Variants in PPARD observed in about 807,000 individuals in gnomAD.
PPARD encodes peroxisome proliferator-activated receptor delta.
PPARD carries 6 observed loss-of-function variants against 39.5 expected under a neutral mutation model. That is an observed-to-expected ratio of 0.15 (90% CI 0.08 to 0.30). The LOEUF (loss-of-function observed/expected upper bound fraction) is 0.30, where lower values mean the gene tolerates loss of function less well. Ranked by LOEUF, PPARD falls within the 10% of genes least tolerant of loss-of-function variation. The probability of loss-of-function intolerance (pLI) is 1.00; values close to 1 mark genes in which losing one functional copy is unlikely to be tolerated. For synonymous variants in PPARD, 210 were observed against 231.3 expected, an observed-to-expected ratio of 0.91 and a Z score of 0.83; for missense variants, 397 against 596.8, an observed-to-expected ratio of 0.67 and a Z score of 3.49.
chr6:35,383,999 G>A (rs1205581868), intron 2 of PPARD, among the ~76,000 whole-genome samples: 2 of 142,494 alleles, frequency 1.4e-5, no homozygotes, highest in African/African-American at 5.8e-5. Flanking sequence ...GGGGGGGTCA[G>A]CCCCACGCCC....
intron 2 of PPARD, chr6:35,397,496 A>G: frequency 2.0e-6 from 2 of 980,880 alleles, no homozygotes; most frequent in Non-Finnish European, 2.4e-6. Flanking sequence ...CCTCCTTTGA[A>G]GGGTCTGGAA....
intron 2 of PPARD, among the ~76,000 whole-genome samples, chr6:35,350,067 CTA>C (rs1761144192): frequency 6.6e-6 from 1 of 152,170 alleles, no homozygotes; most frequent in Non-Finnish European, 1.5e-5. Flanking sequence ...TGAGAAATGT[CTA>C]TTAAAATCTT....
chr6:35,387,568 C>T (rs12174590), intron 2 of PPARD, among the ~76,000 whole-genome samples: 3 of 151,706 alleles, frequency 2.0e-5, no homozygotes, highest in African/African-American at 7.2e-5. Flanking sequence ...CATGCACGCT[C>T]TCATGTGCGT....
intron 2 of PPARD, among the ~76,000 whole-genome samples, chr6:35,364,258 T>C (rs1219907819): frequency 6.6e-6 from 1 of 152,170 alleles, no homozygotes; most frequent in Non-Finnish European, 1.5e-5. Context: ...GAGTATTCCA[T>C]TGTGTGTATA....
intron 2 of PPARD, among the ~76,000 whole-genome samples, chr6:35,383,645 C>G (rs1215899271): frequency 4.6e-4 from 62 of 136,198 alleles, no homozygotes; most frequent in Admixed American, 7.5e-4. Context: ...CCCGGCCGCC[C>G]ATCGTCTGAG....
intron 2 of PPARD, among the ~76,000 whole-genome samples, chr6:35,351,314 T>G (rs939833006): frequency 6.6e-6 from 1 of 152,162 alleles, no homozygotes; most frequent in African/African-American, 2.4e-5. Flanking sequence ...TGTGAGCCAC[T>G]GCGCCAGTCC....
intron 2 of PPARD, among the ~76,000 whole-genome samples, chr6:35,390,697 AAG>A (rs145438636): frequency 6.6e-6 from 1 of 152,232 alleles, no homozygotes; most frequent in African/African-American, 2.4e-5. Flanking sequence ...AGAAAAGAAA[AAG>A]AGAAAAAAAG....
In PPARD at chr6:35,398,629, G is replaced by A. The variant is rs112970636; in HGVS notation, c.-101-12358G>A. 9.5e-3 allele frequency among the ~76,000 whole-genome samples: 1,445 copies of A among 152,262 alleles called. 5 individuals carry two copies. The highest frequency in any genetic ancestry group is 0.017 in the Middle Eastern group (5 of 294). On this transcript the variant is annotated intron_variant, in intron 2 of 7. Transcript: ENST00000360694. The stretch of plus-strand genomic sequence containing the variant: ...AATGAAAGAGACCTTTAGAGATTAG[G>A]AAGAAAATTACTGACTGAGACCAAC...
intron 2 of PPARD, chr6:35,397,608 G>A: frequency 1.0e-6 from 1 of 962,606 alleles, no homozygotes; most frequent in Non-Finnish European, 1.2e-6. Context: ...GTGGTGAACA[G>A]ACGTCTTTTT....
Position 35,424,894 on chromosome 6 carries a change from A to G in PPARD, c.1078+115A>G. 6.8e-7 allele frequency: 1 copy of G among 1,475,728 alleles called. No homozygotes were observed. Among genetic ancestry groups the G allele is most frequent in the Non-Finnish European group, 9.0e-7 (1 of 1,116,434 alleles). The allele number at this position is 1,475,728 out of a possible 1,614,324, so 91.4% of individuals were successfully genotyped here. ...GACAGTGTGGGGAAGTGTCCCTGTG[A>G]TCTTGGCAGTGGAACATGCAAGGCA... On this transcript the variant is annotated intron_variant, in intron 7 of 7. Transcript: ENST00000360694. This position sits in a 1 kb window ranked among gnomAD's most constrained non-coding sequence, Gnocchi z 7.1.
chr6:35,380,269 A>G (rs981761442), intron 2 of PPARD, among the ~76,000 whole-genome samples: 1 of 152,136 alleles, frequency 6.6e-6, no homozygotes, highest in Admixed American at 6.6e-5. Flanking sequence ...GTGCCCTGCC[A>G]TTCTTAGGGT....
chr6:35,385,072 C>G (rs1763527297), intron 2 of PPARD, among the ~76,000 whole-genome samples: 1 of 146,598 alleles, frequency 6.8e-6, no homozygotes, highest in African/African-American at 2.7e-5. Context: ...GCGCCTCTGC[C>G]CGGCCGCCCC....
At position 35,425,343 on chromosome 6, in the gene PPARD, T is replaced by A; in HGVS notation, c.1079-489T>A. 1.0e-6 allele frequency: 1 copy of A among 1,004,778 alleles called. No homozygotes were observed. The highest frequency in any genetic ancestry group is 4.2e-5 in the South Asian group (1 of 23,562). The allele number at this position is 1,004,778 out of a possible 1,614,324, so 62.2% of individuals were successfully genotyped here. The stretch of plus-strand genomic sequence containing the variant: ...TGTGGGGTGGAAAAATTGTCTGCAT[T>A]TTTTCTGCATTTTTAAAATTCCAAC... On this transcript the variant is annotated intron_variant, in intron 7 of 7. Transcript: ENST00000360694. The surrounding 1 kb of genome is among the most constrained non-coding windows in gnomAD (Gnocchi z 4.5).
intron 2 of PPARD, among the ~76,000 whole-genome samples, chr6:35,405,712 C>G (rs1222772197): frequency 2.0e-5 from 3 of 152,136 alleles, no homozygotes; most frequent in Non-Finnish European, 2.9e-5. Flanking sequence ...CCACTGCAAC[C>G]TCTGTCTCCC....
At chr6:35,399,399 CAAAAA>C (rs10539871) in intron 2 of PPARD, among the ~76,000 whole-genome samples, 25 of 95,510 alleles carry the variant, frequency 2.6e-4, no homozygotes, top group Admixed American at 2.2e-4. Context: ...GACTCTGTCT[CAAAAA>C]AAAAAAAAAA....
intron 2 of PPARD, among the ~76,000 whole-genome samples, chr6:35,392,860 G>C (rs1764096734): frequency 6.6e-6 from 1 of 152,124 alleles, no homozygotes; most frequent in South Asian, 2.1e-4. Context: ...CACTTGGTAA[G>C]TAGAAAGACC....
intron 2 of PPARD, among the ~76,000 whole-genome samples, chr6:35,385,222 A>T (rs1347964428): frequency 5.4e-5 from 8 of 148,470 alleles, no homozygotes; most frequent in African/African-American, 2.0e-4. Context: ...AAGATTGAGA[A>T]ATCGGATGGT....
At chr6:35,345,661 A>T (rs1279488890) in intron 1 of PPARD, among the ~76,000 whole-genome samples, 1 of 151,926 alleles carries the variant, frequency 6.6e-6, no homozygotes, top group East Asian at 1.9e-4. Context: ...CAGCCTTTCA[A>T]CCCGACCTGT....
chr6:35,365,988 AGCGCTG>A (rs2150517127), intron 2 of PPARD, among the ~76,000 whole-genome samples: 1 of 151,776 alleles, frequency 6.6e-6, no homozygotes, highest in Non-Finnish European at 1.5e-5. Context: ...AGGGTGAGTG[AGCGCTG>A]GTATCTGAGT....
Sources: allele counts gnomAD v4.1 joint callset (sites outside exome capture counted in the v4.1 genomes callset), GRCh38; gene constraint gnomAD v4.1.1; non-coding constraint Gnocchi (gnomAD v3.1); transcripts MANE v1.5; gene names NCBI Gene and HGNC (gene_info 2026-07-23, HGNC 2026-07-21).